Variants in SPRTN observed in about 807,000 individuals in gnomAD.
SPRTN encodes the protein SprT-like N-terminal domain.
SPRTN carries 11 observed loss-of-function variants against 31.9 expected under a neutral mutation model. The ratio of observed to expected loss-of-function variants is 0.34; its 90% confidence interval spans 0.22 to 0.57. SPRTN has a LOEUF of 0.57. Among genes scored for constraint, SPRTN ranks in the 20% least tolerant of loss-of-function variants. SPRTN has a pLI of 0.86. For missense variants in SPRTN, 482 were observed against 590.1 expected (o/e 0.82, Z 1.90); for synonymous variants, 185 against 212.1 (o/e 0.87, Z 1.11).
At chr1:231,339,473 A>C in intron 1 of SPRTN, 1 of 614,752 alleles carries the variant, frequency 1.6e-6, no homozygotes, top group Admixed American at 2.4e-5. Context: ...CCCGTTGTAC[A>C]CCAGGTACGG....
rs1396573450 is a variant in SPRTN, at chr1:231,353,564, G to C, written c.*203G>C. ...GTCTCAGGGTGCTACATTCACTCTT[G>C]CCTTAGGTATACTGTAACCCAGGTT... On this transcript the variant is annotated 3_prime_UTR_variant, in exon 5 of 5. Coordinates refer to ENST00000295050, the MANE Select transcript of SPRTN (RefSeq NM_032018.7). 5.4e-5 allele frequency: 69 copies of C among 1,267,760 alleles called. No individual in the cohort carries two copies. The highest frequency in any genetic ancestry group is 6.3e-5 in the Non-Finnish European group (63 of 1,007,930). 78.5% of individuals were successfully genotyped at this position (1,267,760 alleles called of 1,614,324 possible).
chr1:231,353,603 A>T lies in SPRTN; in HGVS notation c.*242A>T. 3 of 1,181,804 alleles carry T rather than the reference A, an allele frequency of 2.5e-6. No homozygotes were observed. The highest frequency in any genetic ancestry group is 3.1e-6 in the Non-Finnish European group (3 of 954,808). The allele number at this position is 1,181,804 out of a possible 1,614,324, so 73.2% of individuals were successfully genotyped here. ...GTAACCCAGGTTCTGCCTGTCGTGT[A>T]TAAGTTTTAGATACTTTTGTTCTTT... is the stretch of plus-strand genomic sequence containing the variant. On this transcript the variant is annotated 3_prime_UTR_variant, in exon 5 of 5. Coordinates refer to ENST00000295050, the MANE Select transcript of SPRTN (RefSeq NM_032018.7).
intron 2 of SPRTN, among the ~76,000 whole-genome samples, chr1:231,345,394 C>T (rs954061711): frequency 1.3e-5 from 2 of 152,160 alleles, no homozygotes; most frequent in African/African-American, 2.4e-5. Context: ...TCCCAAAGTG[C>T]GGGGATTACA....
chr1:231,351,979 C>A, intron 4 of SPRTN: 1 of 1,004,314 alleles, frequency 1.0e-6, no homozygotes, highest in Non-Finnish European at 1.2e-6. Flanking sequence ...CCGGAATATA[C>A]GTCCTAACTA....
chr1:231,346,434 T>C (rs1000769043), intron 2 of SPRTN, among the ~76,000 whole-genome samples: 6 of 151,562 alleles, frequency 4.0e-5, no homozygotes, highest in African/African-American at 1.5e-4. Flanking sequence ...CTCAATGTCC[T>C]GACCTCGTGA....
At chr1:231,346,266 G>T (rs1687059895) in intron 2 of SPRTN, among the ~76,000 whole-genome samples, 1 of 137,476 alleles carries the variant, frequency 7.3e-6, no homozygotes, top group African/African-American at 2.8e-5. Context: ...TCGGCTCACT[G>T]CAACCTCTGC....
At chr1:231,352,131 T>A in intron 4 of SPRTN, 1 of 989,542 alleles carries the variant, frequency 1.0e-6, no homozygotes, top group Non-Finnish European at 1.2e-6. Context: ...AGTTCAGAGT[T>A]ACTGAAGATG....
Position 231,353,706 on chromosome 1 carries a change from T to G in SPRTN, c.*345T>G, listed in dbSNP as rs1331739522. The G allele has an allele frequency of 6.0e-6, 6 of 993,108 alleles. No homozygotes were observed. The highest frequency in any genetic ancestry group is 7.2e-6 in the Non-Finnish European group (6 of 830,022). 61.5% of individuals were successfully genotyped at this position (993,108 alleles called of 1,614,324 possible). A position where few individuals can be genotyped will look rare whatever the true frequency, so the allele number is the denominator to read the frequency against. On this transcript the variant is annotated 3_prime_UTR_variant, in exon 5 of 5. Transcript: ENST00000295050. ...CTAAAAATATTCATATGGGGAATCC[T>G]GTCAGGTGTTTGGTTATATTGACTA... is the stretch of plus-strand genomic sequence containing the variant.
rs1686807631 is a variant in SPRTN, at chr1:231,339,762, T to G, written c.222-7T>G. 3.7e-6 allele frequency: 6 copies of G among 1,614,084 alleles called. No homozygotes were observed. The highest frequency in any genetic ancestry group is 5.1e-6 in the Non-Finnish European group (6 of 1,179,960). On this transcript the variant is annotated splice_region_variant and splice_polypyrimidine_tract_variant and intron_variant, in intron 1 of 4. Coordinates refer to ENST00000295050, the MANE Select transcript of SPRTN (RefSeq NM_032018.7). Reference sequence around the variant, plus strand: ...TGTAACACATTTTTATGGTGATTGTTTTCTAGGTGTGCTGGGATATGCAGC... The same window carrying G: ...TGTAACACATTTTTATGGTGATTGTGTTCTAGGTGTGCTGGGATATGCAGC...
Position 231,338,318 on chromosome 1 carries a change from T to G in SPRTN, c.-66T>G. The G allele has an allele frequency of 6.4e-7, 1 of 1,573,864 alleles. No homozygotes were observed. Among genetic ancestry groups the G allele is most frequent in the Non-Finnish European group, 8.7e-7 (1 of 1,152,514 alleles). On this transcript the variant is annotated 5_prime_UTR_variant, in exon 1 of 5. Coordinates refer to ENST00000295050, the MANE Select transcript of SPRTN (RefSeq NM_032018.7). ...AGTCCTGGTCCTCGGCTAGGCGGCT[T>G]GGGGTCGCGGCGTAACTGGGGAGCC...
In SPRTN at chr1:231,353,643, T is replaced by C; in HGVS notation, c.*282T>C. The C allele has an allele frequency of 9.4e-7, 1 of 1,065,978 alleles. No homozygotes were observed. The highest frequency in any genetic ancestry group is 1.1e-6 in the Non-Finnish European group (1 of 880,042). The allele number at this position is 1,065,978 out of a possible 1,614,324, so 66.0% of individuals were successfully genotyped here. A position where few individuals can be genotyped will look rare whatever the true frequency, so the allele number is the denominator to read the frequency against. ...TTTTGTTCTTTCTTGCTCTTAAGGA[T>C]TTTAAAAACCTGTTAATCTTTTTAT... On this transcript the variant is annotated 3_prime_UTR_variant, in exon 5 of 5. Transcript: ENST00000295050.
chr1:231,344,125 C>T (rs1022532390), intron 2 of SPRTN, among the ~76,000 whole-genome samples: 1 of 152,076 alleles, frequency 6.6e-6, no homozygotes, highest in Non-Finnish European at 1.5e-5. Context: ...TTTGTTTCTC[C>T]TTTATGAGAA....
At chr1:231,345,034 T>G (rs866406099) in intron 2 of SPRTN, among the ~76,000 whole-genome samples, 5 of 152,192 alleles carry the variant, frequency 3.3e-5, no homozygotes, top group Non-Finnish European at 2.9e-5. Flanking sequence ...TTTTTATTCC[T>G]CCTCCCCACC....
chr1:231,339,681 A>T, intron 1 of SPRTN, 88 bp from the exon 2 acceptor site: 1 of 1,300,804 alleles, frequency 7.7e-7, no homozygotes. Context: ...CCATCTGCCA[A>T]CTGAGTTAGT....
intron 2 of SPRTN, among the ~76,000 whole-genome samples, chr1:231,340,936 C>T (rs1408775151): frequency 6.6e-6 from 1 of 152,064 alleles, no homozygotes; most frequent in Non-Finnish European, 1.5e-5. Context: ...GATTACATAA[C>T]AGTGTGAATA....
intron 2 of SPRTN, among the ~76,000 whole-genome samples, chr1:231,345,622 A>C (rs995606832): frequency 2.0e-5 from 3 of 152,220 alleles, no homozygotes; most frequent in African/African-American, 7.2e-5. Context: ...ATGCTAGTCT[A>C]GGTATTGCTC....
chr1:231,351,433 C>T lies in SPRTN; in HGVS notation c.580C>T (p.His194Tyr), dbSNP rs1279449311. ...KRATNREPSA[H>Y]DYWWAEHQKT... ...AGCTACTAACAGGGAACCCTCTGCT[C>T]ATGACTATTGGTGGGCTGAGCACCA... Residue 194 changes from histidine to tyrosine, a missense_variant, in exon 4 of 5, where the codon CAT becomes TAT. This residue lies in a region of SPRTN where 325 missense variants were observed against 350.2 expected (regional missense o/e 0.93). Transcript: ENST00000295050. 5 of 1,614,122 alleles carry T rather than the reference C, an allele frequency of 3.1e-6. No homozygotes were observed. Among genetic ancestry groups the T allele is most frequent in the South Asian group, 1.1e-5 (1 of 91,068 alleles).
rs188253824 is a variant in SPRTN, at chr1:231,353,284, G to A, written c.1393G>A (p.Glu465Lys). Residue 465 changes from glutamate to lysine, a missense_variant, in exon 5 of 5, where the codon GAG becomes AAG. By Grantham distance (56) the Glu-to-Lys change is moderately conservative. Coordinates refer to ENST00000295050, the MANE Select transcript of SPRTN (RefSeq NM_032018.7). ...CCCAGTTTGTCAGAATGAAGTTCTG[G>A]AGTCTCAGATTAATGAGCACTTGGA... ...NCPVCQNEVL[E>K]SQINEHLDWC... is the part of the protein sequence containing the mutation. 8.7e-5 allele frequency: 140 copies of A among 1,613,332 alleles called. 1 individual carries two copies. In the East Asian group the frequency reaches 3.1e-3, roughly 36 times the overall value.
chr1:231,340,710 A>T (rs1410065692), intron 2 of SPRTN, among the ~76,000 whole-genome samples: 2 of 151,892 alleles, frequency 1.3e-5, no homozygotes, highest in Non-Finnish European at 2.9e-5. Flanking sequence ...AGGCAGGAGG[A>T]TCTCTTGAAC....
Sources: gnomAD v4.1 joint callset for allele counts (sites outside exome capture counted in the v4.1 genomes callset) on GRCh38, gnomAD v4.1.1 for gene constraint, gnomAD v4.1.1 regional missense constraint, MANE v1.5 for transcripts, NCBI Gene and HGNC (gene_info 2026-07-23, HGNC 2026-07-21) for gene names.